LIMCH1: variants seen among roughly 807,000 people sequenced by gnomAD.
LIMCH1 encodes the protein LIM and calponin homology domains-containing protein 1.
A neutral mutation model predicts 176.5 loss-of-function variants in LIMCH1; 113 were observed. The ratio of observed to expected loss-of-function variants is 0.64; its 90% CI spans 0.55 to 0.75. LIMCH1 has a LOEUF of 0.75. LIMCH1 is among the 30% of genes least tolerant of loss of function. The pLI, the probability that LIMCH1 is intolerant of heterozygous loss-of-function variation, is 0.00. For missense variants in LIMCH1, 1,674 were observed against 1,814.9 expected (o/e 0.92, Z 1.41); for synonymous variants, 619 against 645.9 (o/e 0.96, Z 0.63).
At chr4:41,449,158 C>T (rs762050585) in intron 1 of LIMCH1, among the ~76,000 whole-genome samples, 1 of 152,174 alleles carries the variant, frequency 6.6e-6, no homozygotes, top group Non-Finnish European at 1.5e-5. Context: ...ACCTCTCTCT[C>T]TCATCCCCTG....
chr4:41,544,080 C>T (rs73144493), intron 1 of LIMCH1, among the ~76,000 whole-genome samples: 15,878 of 151,974 alleles, frequency 0.1, 1,277 homozygotes, highest in South Asian at 0.23. Flanking sequence ...TTCAGATACC[C>T]CCCCACCCCC....
At chr4:41,550,588 A>G (rs1004940289) in intron 1 of LIMCH1, among the ~76,000 whole-genome samples, 54 of 152,168 alleles carry the variant, frequency 3.5e-4, no homozygotes, top group African/African-American at 1.3e-3. Context: ...ACAAAAAACT[A>G]ACAGCCAGAT....
intron 12 of LIMCH1, 117 bp from the exon 13 acceptor site, chr4:41,633,431 C>T (rs925171473): frequency 2.1e-5 from 26 of 1,233,864 alleles, no homozygotes; most frequent in Admixed American, 4.7e-5. Context: ...CTCTGTGTGC[C>T]GCTGCCTCCA....
At chr4:41,619,795 C>A in intron 6 of LIMCH1, 1 of 264,570 alleles carries the variant, frequency 3.8e-6, no homozygotes, top group Non-Finnish European at 7.2e-6. Flanking sequence ...AGAAAGATTC[C>A]TATCTTTATG....
intron 2 of LIMCH1, among the ~76,000 whole-genome samples, chr4:41,509,096 C>G (rs1161776591): frequency 6.6e-6 from 1 of 152,032 alleles, no homozygotes. Flanking sequence ...CTGTTCAGAG[C>G]GAAAGGGGGT....
At chr4:41,663,979 G>A (rs879336370) in intron 20 of LIMCH1, among the ~76,000 whole-genome samples, 3 of 151,936 alleles carry the variant, frequency 2.0e-5, no homozygotes, top group Admixed American at 2.0e-4. Context: ...GGTCAAGGCT[G>A]CTGTGAGCTG....
chr4:41,678,847 A>G (rs1305204812), intron 23 of LIMCH1, among the ~76,000 whole-genome samples: 2 of 152,156 alleles, frequency 1.3e-5, no homozygotes, highest in East Asian at 3.8e-4. Context: ...CAAGAAGCCT[A>G]AGAAGCTTTA....
intron 1 of LIMCH1, among the ~76,000 whole-genome samples, chr4:41,472,705 C>T (rs914179460): frequency 1.3e-5 from 2 of 152,128 alleles, no homozygotes; most frequent in African/African-American, 4.8e-5. Flanking sequence ...AGGCAAGTTC[C>T]ACAGAACACT....
In LIMCH1 at chr4:41,508,466, A is replaced by C. The variant is rs2074444189; in HGVS notation, c.167+13860A>C. Among the ~76,000 whole-genome samples, 4 of 152,154 alleles carry C rather than the reference A, an allele frequency of 2.6e-5. No homozygotes were observed. In the South Asian group the frequency reaches 8.3e-4, roughly 32 times the overall value. On this transcript the variant is annotated intron_variant, in intron 2 of 26. Transcript: ENST00000313860. Reference sequence around the variant, plus strand: ...ACCAGAGTCCTGTAGGCTGTTGGGGATGAGGGCCTGGCTCTTAGAGGTGAG... The same window carrying C: ...ACCAGAGTCCTGTAGGCTGTTGGGGCTGAGGGCCTGGCTCTTAGAGGTGAG...
rs1583961327 is a variant in LIMCH1 at position 41,552,575 on chromosome 4, C to T, written c.-241+14225C>T. Among the ~76,000 whole-genome samples, 2 of 152,126 alleles carry T rather than the reference C, an allele frequency of 1.3e-5. 1 individual carries two copies. Among genetic ancestry groups the T allele is most frequent in the East Asian group, 3.9e-4 (2 of 5,186 alleles). On this transcript the variant is annotated intron_variant, in intron 1 of 31. Transcript: ENST00000503057. Reference sequence around the variant, plus strand: ...TGCTTCTTGTTCTCCTAGGCTGCTGCTCACCAATCCATAAAAATTATAAAC... The same window carrying T: ...TGCTTCTTGTTCTCCTAGGCTGCTGTTCACCAATCCATAAAAATTATAAAC...
intron 1 of LIMCH1, among the ~76,000 whole-genome samples, chr4:41,456,136 G>T (rs901795825): frequency 6.6e-6 from 1 of 152,146 alleles, no homozygotes; most frequent in Non-Finnish European, 1.5e-5. Context: ...TCAGTGAGAC[G>T]ATTTGGCCTA....
chr4:41,560,090 G>A (rs772789865), intron 1 of LIMCH1, among the ~76,000 whole-genome samples: 1 of 152,026 alleles, frequency 6.6e-6, no homozygotes, highest in Non-Finnish European at 1.5e-5. Context: ...CAAACAACCC[G>A]TTCCTCCATC....
At chr4:41,631,630 G>A (rs1026806641) in intron 10 of LIMCH1, among the ~76,000 whole-genome samples, 153 bp downstream of exon 10, 5 of 152,162 alleles carry the variant, frequency 3.3e-5, no homozygotes, top group African/African-American at 7.2e-5. Context: ...GTCCCCCTGC[G>A]GGGAACATGT....
intron 1 of LIMCH1, among the ~76,000 whole-genome samples, chr4:41,542,365 CT>C (rs35009708): frequency 0.38 from 52,566 of 137,818 alleles, 10,956 homozygotes; most frequent in African/African-American, 0.63. Context: ...TCTTTCTTTT[CT>C]TTTTTTTTTT....
At chr4:41,451,542 G>A (rs2063884511) in intron 1 of LIMCH1, among the ~76,000 whole-genome samples, 1 of 152,164 alleles carries the variant, frequency 6.6e-6, no homozygotes, top group East Asian at 1.9e-4. Flanking sequence ...TCCCACCCCC[G>A]GGACCTCTCC....
chr4:41,426,898 G>T lies in LIMCH1; in HGVS notation c.96+65962G>T, dbSNP rs56039466. 7.1e-3 allele frequency among the ~76,000 whole-genome samples: 1,087 copies of T among 152,286 alleles called. 17 individuals are homozygous for T. Among genetic ancestry groups the T allele is most frequent in the African/African-American group, 0.025 (1,039 of 41,550 alleles). ...TAAAAAACATACTCATTTCTACTTG[G>T]TATATGAAAATAATATATGTTTGAT... On this transcript the variant is annotated intron_variant, in intron 1 of 26. Transcript: ENST00000313860.
intron 28 of LIMCH1, 75 bp downstream of exon 28, chr4:41,685,905 A>C (rs571086246): frequency 2.6e-5 from 39 of 1,495,582 alleles, no homozygotes; most frequent in Non-Finnish European, 3.4e-5. Flanking sequence ...GAAGAATGAA[A>C]AATGTGAGAT....
intron 1 of LIMCH1, among the ~76,000 whole-genome samples, chr4:41,415,250 T>C (rs764628449): frequency 7.9e-5 from 12 of 152,190 alleles, no homozygotes; most frequent in Non-Finnish European, 1.6e-4. Flanking sequence ...GTAGAACATA[T>C]TAACTTTTGT....
intron 1 of LIMCH1, among the ~76,000 whole-genome samples, chr4:41,540,428 G>T (rs1276484129): frequency 6.6e-6 from 1 of 152,174 alleles, no homozygotes; most frequent in Non-Finnish European, 1.5e-5. Flanking sequence ...CCTGTAGAGA[G>T]AATAATTTGA....
Sources: allele counts gnomAD v4.1 joint callset (sites outside exome capture counted in the v4.1 genomes callset), GRCh38; gene constraint gnomAD v4.1.1; transcripts MANE v1.5; gene names NCBI Gene and HGNC (gene_info 2026-07-23, HGNC 2026-07-21).